Variants in NKTR observed in about 807,000 individuals in gnomAD.
The protein encoded by NKTR is NK-tumor recognition protein.
In NKTR, 67 loss-of-function variants were observed where a neutral mutation model predicts 156.3. That is an observed-to-expected ratio of 0.43 (90% CI 0.35 to 0.53). The LOEUF (loss-of-function observed/expected upper bound fraction) is 0.53, where lower values mean the gene tolerates loss of function less well. NKTR is among the 20% of genes least tolerant of loss of function. The probability of loss-of-function intolerance (pLI) is 0.01; values close to 1 mark genes in which losing one functional copy is unlikely to be tolerated. For missense variants in NKTR, 1,604 were observed against 1,730.9 expected (o/e 0.93, Z 1.30); for synonymous variants, 640 against 596.6 (o/e 1.07, Z -1.06).
intron 2 of NKTR, among the ~76,000 whole-genome samples, chr3:42,607,741 C>T (rs1231936930): frequency 1.3e-5 from 2 of 152,010 alleles, no homozygotes; most frequent in African/African-American, 4.8e-5. Flanking sequence ...GGGGAAAAAA[C>T]ATGTAAAGGG....
chr3:42,627,277 T>C, intron 6 of NKTR: 2 of 985,140 alleles, frequency 2.0e-6, no homozygotes, highest in South Asian at 4.7e-5. Context: ...TTTATCTCTT[T>C]AATTCTGTTG....
At chr3:42,619,348 A>G (rs572254967) in intron 4 of NKTR, 2 of 1,235,568 alleles carry the variant, frequency 1.6e-6, no homozygotes, top group Non-Finnish European at 2.1e-6. Context: ...TTTTATTAAT[A>G]TTATAGTTAC....
intron 9 of NKTR, 29 bp downstream of exon 9, chr3:42,632,852 C>T (rs559955226): frequency 9.4e-6 from 14 of 1,487,300 alleles, no homozygotes; most frequent in Admixed American, 2.4e-5. Context: ...TGTACTCTTA[C>T]CTAAAAACAA....
intron 2 of NKTR, chr3:42,602,336 G>A (rs1705582976): frequency 6.6e-6 from 1 of 152,234 alleles, no homozygotes; most frequent in South Asian, 2.1e-4. Context: ...TACCATCTAG[G>A]TGTGTTTAAA....
chr3:42,637,620 A>G lies in NKTR; in HGVS notation c.1916A>G (p.Lys639Arg). 18 of 1,610,550 alleles carry G rather than the reference A, an allele frequency of 1.1e-5. No homozygotes were observed. The highest frequency in any genetic ancestry group is 1.5e-5 in the Non-Finnish European group (18 of 1,179,082). The stretch of plus-strand genomic sequence containing the variant: ...GAGCGAATTCAGGAAATGAAAGCTA[A>G]AACAACCCATTTGCTACCCATCCAA... The part of the protein sequence containing the change: ...SYERIQEMKA[K>R]TTHLLPIQST... The change falls in exon 13 of 17, where the codon AAA (lysine) becomes AGA (arginine). Residue 639 changes from lysine (K) to arginine (R), a missense_variant. Physicochemically the swap from Lys to Arg is conservative, Grantham distance 26. Around this residue, in one of 6 missense-constraint regions of NKTR, gnomAD observed 1,255 missense variants for 1,243.7 expected, o/e 1.01. Transcript: ENST00000232978.
rs540124977 is a variant in NKTR at position 42,624,836 on chromosome 3, C to T, written c.374+3320C>T. Among the ~76,000 whole-genome samples the T allele has an allele frequency of 7.2e-5, 11 of 152,170 alleles. No homozygotes were observed. In the South Asian group the frequency reaches 2.1e-3, roughly 29 times the overall value. Reference sequence around the variant, plus strand: ...TGCTGTTACTGATAGCTTATTAATTCTGGCTGTAATTTTTTTGTCTTTATA... The same window carrying T: ...TGCTGTTACTGATAGCTTATTAATTTTGGCTGTAATTTTTTTGTCTTTATA... On this transcript the variant is annotated intron_variant, in intron 6 of 16. Transcript: ENST00000232978.
chr3:42,618,988 ACTT>A (rs745446148), intron 3 of NKTR, 29 bp from the exon 4 acceptor site: 155 of 1,510,102 alleles, frequency 1.0e-4, no homozygotes, highest in Non-Finnish European at 1.3e-4. Flanking sequence ...AAATAATTAA[ACTT>A]CATTTCTTTT....
chr3:42,607,969 C>CTTTTTTTTTTTTTTTTTT lies in NKTR; in HGVS notation c.58+6931_58+6948dup, dbSNP rs201803926. Reference sequence around the variant, plus strand: ...TGCCAATCGCAAGTCCTGAGTCGCTCTTTTTTTTTTTTTTTTTTTTTTTTT... The same window carrying CTTTTTTTTTTTTTTTTTT: ...TGCCAATCGCAAGTCCTGAGTCGCTCTTTTTTTTTTTTTTTTTTTTTTTTTTTTTTTTTTTTTTTTTTT... On this transcript the variant is annotated intron_variant, in intron 2 of 16. Transcript: ENST00000232978. Among the ~76,000 whole-genome samples, 27 of 74,962 alleles carry CTTTTTTTTTTTTTTTTTT rather than the reference C, an allele frequency of 3.6e-4. 5 individuals carry two copies. The highest frequency in any genetic ancestry group is 8.9e-4 in the East Asian group (3 of 3,378). The allele number at this position is 74,962 out of a possible 152,430, so 49.2% of individuals were successfully genotyped here.
At chr3:42,629,148 A>G (rs1577520603) in intron 6 of NKTR, 2 of 980,840 alleles carry the variant, frequency 2.0e-6, no homozygotes, top group Admixed American at 1.2e-4. Context: ...TTACCATCCA[A>G]GGTGGTTTCT....
In NKTR at chr3:42,639,627, A is replaced by G. The variant is rs1486615735; in HGVS notation, c.3923A>G (p.Asp1308Gly). The change falls in exon 13 of 17, where the codon GAT becomes GGT. Residue 1308 changes from aspartate (D) to glycine (G), a missense_variant. Around this residue, in one of 6 missense-constraint regions of NKTR, gnomAD observed 193 missense variants for 220.2 expected, o/e 0.88. Transcript: ENST00000232978. ...GAGCAGACGCCTAGTCGGGATGATG[A>G]TAGCCAGTCCAGGAGTCCAAGTAGA... is the stretch of plus-strand genomic sequence containing the variant. ...SDEQTPSRDD[D>G]SQSRSPSRSR... 7 of 1,614,076 alleles carry G rather than the reference A, an allele frequency of 4.3e-6. No individual in the cohort carries two copies. Among genetic ancestry groups the G allele is most frequent in the East Asian group, 2.2e-5 (1 of 44,902 alleles).
chr3:42,633,774 G>A (rs767707287), intron 10 of NKTR, 39 bp downstream of exon 10: 29 of 1,610,486 alleles, frequency 1.8e-5, no homozygotes, highest in East Asian at 4.5e-5. Context: ...TTATTTCTCC[G>A]ATAACACTGT....
intron 14 of NKTR, 148 bp from the exon 15 acceptor site, chr3:42,643,191 A>G (rs1379108514): frequency 1.1e-5 from 7 of 655,172 alleles, no homozygotes; most frequent in African/African-American, 1.8e-5. Flanking sequence ...AAAAAATCCA[A>G]TATACTTTTG....
chr3:42,626,354 G>T (rs1708386157), intron 6 of NKTR, among the ~76,000 whole-genome samples: 8 of 151,910 alleles, frequency 5.3e-5, no homozygotes, highest in Admixed American at 5.3e-4. Flanking sequence ...TTTGATCTGA[G>T]TAGTAATAGA....
chr3:42,640,525 T>C (rs1709794396), intron 13 of NKTR, among the ~76,000 whole-genome samples: 1 of 152,244 alleles, frequency 6.6e-6, no homozygotes, highest in Non-Finnish European at 1.5e-5. Context: ...TCATTTGAAC[T>C]GAAAATACCA....
chr3:42,633,988 C>T (rs974367263), intron 10 of NKTR, among the ~76,000 whole-genome samples: 1 of 152,090 alleles, frequency 6.6e-6, no homozygotes, highest in Admixed American at 6.5e-5. Flanking sequence ...TCAGGGAAGC[C>T]CTTATTGGGG....
chr3:42,615,060 T>C (rs557269113), intron 2 of NKTR, among the ~76,000 whole-genome samples: 3 of 151,604 alleles, frequency 2.0e-5, no homozygotes, highest in East Asian at 1.9e-4. Flanking sequence ...GGGTAAGATA[T>C]TAGAGGTGAG....
chr3:42,627,125 T>A (rs1360944057), intron 6 of NKTR: 2 of 867,800 alleles, frequency 2.3e-6, no homozygotes, highest in African/African-American at 3.6e-5. Context: ...TATATTGATA[T>A]TAAAACATAG....
chr3:42,619,618 A>G lies in NKTR; in HGVS notation c.242-46A>G, dbSNP rs188357471. 17 of 1,603,484 alleles carry G rather than the reference A, an allele frequency of 1.1e-5. No individual in the cohort carries two copies. The East Asian group carries it at 2.9e-4, about 28-fold the overall frequency. The stretch of plus-strand genomic sequence containing the variant: ...TATCAAAAATGATTTCTGTGTTAGT[A>G]TATTTTTAATGTTCATTATGGCTTA... On this transcript the variant is annotated intron_variant, in intron 4 of 16. Transcript: ENST00000232978.
In NKTR at chr3:42,638,344, T is replaced by C. The variant is rs892513229; in HGVS notation, c.2640T>C (p.Tyr880=). 16 of 1,612,846 alleles carry C rather than the reference T, an allele frequency of 9.9e-6. No homozygotes were observed. The highest frequency in any genetic ancestry group is 1.4e-5 in the Non-Finnish European group (16 of 1,179,668). The change falls in exon 13 of 17, where the codon TAT becomes TAC. Residue 880 remains tyrosine (Y), a synonymous_variant. Coordinates refer to ENST00000232978, the MANE Select transcript of NKTR (RefSeq NM_005385.4). The stretch of plus-strand genomic sequence containing the variant: ...GCAGTAAGCCCAAAAGGAAGAATTA[T>C]GCTGGTAGTAAATGGGACTCTGAGT... The part of the protein sequence containing the change: ...RNGSKPKRKN[Y]AGSKWDSESN...
Sources: allele counts gnomAD v4.1 joint callset (sites outside exome capture counted in the v4.1 genomes callset), GRCh38; gene constraint gnomAD v4.1.1; regional missense constraint gnomAD v4.1.1; transcripts MANE v1.5; gene names NCBI Gene and HGNC (gene_info 2026-07-23, HGNC 2026-07-21).